Variants in MAGI3 observed in about 807,000 individuals in gnomAD.
MAGI3 encodes the protein membrane-associated guanylate kinase, WW and PDZ domain-containing protein 3.
A neutral mutation model predicts 121.8 loss-of-function variants in MAGI3; 43 were observed. That is an observed-to-expected ratio of 0.35 (90% CI 0.28 to 0.46). The LOEUF is 0.46. MAGI3 is among the 20% of genes least tolerant of loss of function. The pLI is 1.00. For synonymous variants in MAGI3, 553 were observed against 639.3 expected (o/e 0.86, Z 2.04); for missense variants, 1,547 against 1,797.3 (o/e 0.86, Z 2.52).
chr1:113,465,821 G>A (rs1570715185), intron 1 of MAGI3, among the ~76,000 whole-genome samples: 1 of 152,074 alleles, frequency 6.6e-6, no homozygotes, highest in South Asian at 2.1e-4. Flanking sequence ...TGGGTATAAA[G>A]GCTACTGATT....
At chr1:113,571,505 C>T (rs1027354806) in intron 2 of MAGI3, among the ~76,000 whole-genome samples, 4 of 152,050 alleles carry the variant, frequency 2.6e-5, no homozygotes, top group Admixed American at 6.6e-5. Context: ...TTCACAATAT[C>T]GGTTTTTCCT....
In MAGI3 at chr1:113,642,359, G is replaced by A. The variant is rs1390863841; in HGVS notation, c.1809G>A (p.Met603Ile). Residue 603 changes from methionine (M) to isoleucine (I), a missense_variant, in exon 10 of 21, where the codon ATG (methionine) becomes ATA (isoleucine). Coordinates refer to ENST00000307546, the MANE Select transcript of MAGI3 (RefSeq NM_001142782.2). Reference protein sequence around the residue: ...ADSPTGQKVKMILDSQWCQGL... With the variant: ...ADSPTGQKVKIILDSQWCQGL... ...GCCCTACTGGACAGAAGGTGAAAAT[G>A]ATACTGGATAGTCAGTGGTGTCAAG... 6.2e-7 allele frequency: 1 copy of A among 1,614,150 alleles called. No individual in the cohort carries two copies. The highest frequency in any genetic ancestry group is 1.7e-5 in the Admixed American group (1 of 60,022).
intron 6 of MAGI3, 112 bp downstream of exon 6, chr1:113,594,672 C>A: frequency 4.1e-6 from 3 of 723,542 alleles, no homozygotes; most frequent in Non-Finnish European, 6.5e-6. Flanking sequence ...TGTACACAAG[C>A]AAAAAAGCAG....
chr1:113,580,619 C>G lies in MAGI3; in HGVS notation c.511C>G (p.Leu171Val), dbSNP rs1366875868. Residue 171 changes from leucine to valine, a missense_variant, in exon 3 of 21, where the codon CTG becomes GTG. By Grantham distance (32) the Leu-to-Val change is conservative (BLOSUM62 1). Coordinates refer to ENST00000307546, the MANE Select transcript of MAGI3 (RefSeq NM_001142782.2). ...NFISVEQFKA[L>V]EESGALLESG... ...CATTTCCGTTGAACAGTTCAAAGCA[C>G]TGGAAGAGAGTGGAGCATTGTTAGA... 1.2e-6 allele frequency: 2 copies of G among 1,610,204 alleles called. No individual in the cohort carries two copies.
intron 1 of MAGI3, among the ~76,000 whole-genome samples, chr1:113,461,226 A>G (rs1655016312): frequency 1.3e-5 from 2 of 152,306 alleles, no homozygotes; most frequent in East Asian, 3.9e-4. Context: ...GAACTAGAAA[A>G]AACTAGTTTA....
In MAGI3 at chr1:113,641,972, C is replaced by A; in HGVS notation, c.1422C>A (p.Val474=). Reference sequence around the variant, plus strand: ...TCGGTCACACTCATGCAGATGTTGTCCAGATGTTTCAATTGGTACCTGTCA... The same window carrying A: ...TCGGTCACACTCATGCAGATGTTGTACAGATGTTTCAATTGGTACCTGTCA... ...CVLGHTHADV[V]QMFQLVPVNQ... Residue 474 remains valine (V), a synonymous_variant, in exon 10 of 21, where the codon GTC becomes GTA. Transcript: ENST00000307546. 15 of 1,613,498 alleles carry A rather than the reference C, an allele frequency of 9.3e-6. No individual in the cohort carries two copies. Among genetic ancestry groups the A allele is most frequent in the Non-Finnish European group, 1.3e-5 (15 of 1,179,542 alleles).
Position 113,391,801 on chromosome 1 carries a change from C to T in MAGI3, c.316+452C>T, listed in dbSNP as rs762108264. Reference sequence around the variant, plus strand: ...GTGCCAAGGTTACCACCTGGTGTACCTGGAAGGGCTTAGCTGCTTCAGTGT... The same window carrying T: ...GTGCCAAGGTTACCACCTGGTGTACTTGGAAGGGCTTAGCTGCTTCAGTGT... On this transcript the variant is annotated intron_variant, in intron 1 of 20. Transcript: ENST00000307546. This position sits in a 1 kb window ranked among gnomAD's most constrained non-coding sequence, Gnocchi z 4.4. 6.6e-6 allele frequency among the ~76,000 whole-genome samples: 1 copy of T among 152,176 alleles called. No individual in the cohort carries two copies. Among genetic ancestry groups the T allele is most frequent in the Non-Finnish European group, 1.5e-5 (1 of 68,028 alleles).
chr1:113,648,939 A>G (rs934675214), intron 12 of MAGI3, among the ~76,000 whole-genome samples: 2 of 152,164 alleles, frequency 1.3e-5, no homozygotes, highest in Non-Finnish European at 2.9e-5. Context: ...TCTGAATTCA[A>G]CATTGTTATA....
At chr1:113,581,292 T>C (rs1436494225) in intron 3 of MAGI3, among the ~76,000 whole-genome samples, 4 of 152,054 alleles carry the variant, frequency 2.6e-5, no homozygotes, top group Non-Finnish European at 5.9e-5. Context: ...TATAATTGCC[T>C]GTTTATAAGC....
chr1:113,620,494 C>T (rs547174284), intron 8 of MAGI3, among the ~76,000 whole-genome samples: 25 of 152,262 alleles, frequency 1.6e-4, no homozygotes, highest in Non-Finnish European at 3.4e-4. Context: ...GTAGATTCTC[C>T]ACTTCGGTTG....
In MAGI3 at chr1:113,584,471, A is replaced by G. The variant is rs528297059; in HGVS notation, c.554-916A>G. On this transcript the variant is annotated intron_variant, in intron 3 of 20. Coordinates refer to ENST00000307546, the MANE Select transcript of MAGI3 (RefSeq NM_001142782.2). ...TAAGCCAATACTGAATTATCCTGCT[A>G]ATGTCTCTGTTTGTTCAATAAATTG... 7.2e-5 allele frequency among the ~76,000 whole-genome samples: 11 copies of G among 152,284 alleles called. No homozygotes were observed. In the South Asian group the frequency reaches 1.9e-3, roughly 26 times the overall value.
At chr1:113,504,867 C>CA (rs1402514237) in intron 1 of MAGI3, among the ~76,000 whole-genome samples, 2 of 152,094 alleles carry the variant, frequency 1.3e-5, no homozygotes, top group Non-Finnish European at 2.9e-5. Context: ...ATTACTATCA[C>CA]AAAAAGCACT....
At chr1:113,641,062 TG>T (rs1652472752) in intron 9 of MAGI3, among the ~76,000 whole-genome samples, 2 of 97,050 alleles carry the variant, frequency 2.1e-5, no homozygotes, top group African/African-American at 9.0e-5. Context: ...ATATTATATA[TG>T]ATATATATAA....
intron 1 of MAGI3, among the ~76,000 whole-genome samples, chr1:113,452,297 G>T (rs1340416750): frequency 6.6e-6 from 1 of 152,046 alleles, no homozygotes; most frequent in African/African-American, 2.4e-5. Flanking sequence ...TTGGAGTTTT[G>T]ATCCGAAAGC....
intron 1 of MAGI3, among the ~76,000 whole-genome samples, chr1:113,514,267 A>G (rs1557797232): frequency 6.6e-6 from 1 of 152,076 alleles, no homozygotes; most frequent in South Asian, 2.1e-4. Context: ...CAGCCATCCC[A>G]TTACTGGGTA....
intron 12 of MAGI3, among the ~76,000 whole-genome samples, chr1:113,646,970 G>T (rs952215928): frequency 6.6e-6 from 1 of 152,068 alleles, no homozygotes; most frequent in African/African-American, 2.4e-5. Context: ...ATACAAATAA[G>T]TACACATAAT....
At chr1:113,571,657 G>T (rs966559752) in intron 2 of MAGI3, among the ~76,000 whole-genome samples, 1 of 152,126 alleles carries the variant, frequency 6.6e-6, no homozygotes, top group Non-Finnish European at 1.5e-5. Flanking sequence ...TGTAGCAATT[G>T]TGCATGGGAG....
intron 1 of MAGI3, among the ~76,000 whole-genome samples, chr1:113,393,113 C>G (rs1176860621): frequency 5.3e-5 from 8 of 152,070 alleles, no homozygotes; most frequent in African/African-American, 1.9e-4. Flanking sequence ...TAACATTAGT[C>G]TAATCTACCT....
chr1:113,394,717 C>T (rs1004315254), intron 1 of MAGI3, among the ~76,000 whole-genome samples: 2 of 152,020 alleles, frequency 1.3e-5, no homozygotes, highest in African/African-American at 4.8e-5. Flanking sequence ...TATTTTATTC[C>T]AGAGATTAAG....
Sources: gnomAD v4.1 joint callset for allele counts (sites outside exome capture counted in the v4.1 genomes callset) on GRCh38, gnomAD v4.1.1 for gene constraint, Gnocchi (gnomAD v3.1) non-coding constraint, MANE v1.5 for transcripts, NCBI Gene and HGNC (gene_info 2026-07-23, HGNC 2026-07-21) for gene names.